The following PRKG1 variants were observed in gnomAD, a reference collection of about 807,000 sequenced individuals.
PRKG1 encodes protein kinase cGMP-dependent 1.
In PRKG1, 35 loss-of-function variants were observed where a neutral mutation model predicts 88.1. That is an observed-to-expected ratio of 0.40 (90% CI 0.30 to 0.53). PRKG1 has a LOEUF of 0.53. Ranked by LOEUF, PRKG1 falls within the 20% of genes least tolerant of loss-of-function variation. The probability of loss-of-function intolerance (pLI) is 0.59; values close to 1 mark genes in which losing one functional copy is unlikely to be tolerated. For synonymous variants in PRKG1, 303 were observed against 292.5 expected, an observed-to-expected ratio of 1.04 and a Z score of -0.37; for missense variants, 540 against 839.8, an observed-to-expected ratio of 0.64 and a Z score of 4.41.
In PRKG1 at chr10:51,985,280, T is replaced by A. The variant is rs150701520; in HGVS notation, c.763-69204T>A. ...TATTTTGAGAAAAATAATTCAAGCTTGTTTCATGCGATTGACAGAGGCAAA... is the reference window on the plus strand; with the variant it reads ...TATTTTGAGAAAAATAATTCAAGCTAGTTTCATGCGATTGACAGAGGCAAA... On this transcript the variant is annotated intron_variant, in intron 5 of 17. Transcript: ENST00000373980. 5.0e-3 allele frequency among the ~76,000 whole-genome samples: 764 copies of A among 152,148 alleles called. 5 individuals carry two copies. Among genetic ancestry groups the A allele is most frequent in the African/African-American group, 0.018 (740 of 41,428 alleles).
chr10:51,817,389 C>T (rs1839620880), intron 4 of PRKG1, among the ~76,000 whole-genome samples: 1 of 149,528 alleles, frequency 6.7e-6, no homozygotes, highest in Admixed American at 6.7e-5. Context: ...TGAAGTTCCC[C>T]TCCCTGTGTC....
intron 16 of PRKG1, 95 bp downstream of exon 16, chr10:52,289,088 T>C: frequency 8.4e-7 from 1 of 1,195,476 alleles, no homozygotes; most frequent in Non-Finnish European, 1.2e-6. Flanking sequence ...ATAATTAGCC[T>C]ATAGGAACAT....
rs369965767 is a variant in PRKG1, at chr10:51,670,393, TTTC to T, written c.593-134189_593-134187del. 8.2e-4 allele frequency among the ~76,000 whole-genome samples: 125 copies of T among 151,970 alleles called. 1 individual carries two copies. The East Asian group carries it at 0.017, about 21-fold the overall frequency. Reference sequence around the variant, plus strand: ...TTTTTATTATTTATATTTCATTATTTTTCTTTATTTTTTTTTCCTTCTGTTTCT... The same window carrying T: ...TTTTTATTATTTATATTTCATTATTTTTTATTTTTTTTTCCTTCTGTTTCT... On this transcript the variant is annotated intron_variant, in intron 3 of 17. Coordinates refer to ENST00000373980, the MANE Select transcript of PRKG1 (RefSeq NM_006258.4).
rs76631173 is a variant in PRKG1 at position 51,157,922 on chromosome 10, A to T, written c.478+4592A>T. Among the ~76,000 whole-genome samples the T allele has an allele frequency of 2.4e-4, 36 of 151,960 alleles. 1 individual carries two copies. The East Asian group carries it at 7.0e-3, about 29-fold the overall frequency. ...AATAGTTGTAAGTAGTCATGTAGAC[A>T]TGGTGGTGTTTTGATACATAGAATG... On this transcript the variant is annotated intron_variant, in intron 2 of 17. Transcript: ENST00000373980.
intron 2 of PRKG1, among the ~76,000 whole-genome samples, chr10:51,280,061 C>T (rs1840248671): frequency 2.0e-5 from 3 of 152,158 alleles, no homozygotes; most frequent in Non-Finnish European, 2.9e-5. Flanking sequence ...TCTTGTAGGG[C>T]AGGCCTGGTG....
chr10:52,075,063 G>T (rs1846594987), intron 7 of PRKG1, among the ~76,000 whole-genome samples: 1 of 152,182 alleles, frequency 6.6e-6, no homozygotes, highest in African/African-American at 2.4e-5. Flanking sequence ...AGGACTTTAA[G>T]TCCACTAACT....
intron 1 of PRKG1, among the ~76,000 whole-genome samples, chr10:51,100,283 A>T (rs940087291): frequency 6.6e-6 from 1 of 152,226 alleles, no homozygotes; most frequent in Non-Finnish European, 1.5e-5. Flanking sequence ...AGGAAATGTC[A>T]ACTGTAATCT....
At chr10:52,112,514 A>C (rs1442906094) in intron 7 of PRKG1, among the ~76,000 whole-genome samples, 1 of 152,220 alleles carries the variant, frequency 6.6e-6, no homozygotes, top group Non-Finnish European at 1.5e-5. Flanking sequence ...CTCAAAAATT[A>C]TAATGAGCAC....
intron 2 of PRKG1, among the ~76,000 whole-genome samples, chr10:51,297,604 A>G (rs1840754135): frequency 6.6e-6 from 1 of 152,092 alleles, no homozygotes. Flanking sequence ...GCAAATCAGG[A>G]AGCTTGTAGG....
At chr10:51,992,357 C>G (rs1844333889) in intron 5 of PRKG1, among the ~76,000 whole-genome samples, 4 of 151,870 alleles carry the variant, frequency 2.6e-5, no homozygotes, top group Admixed American at 2.6e-4. Context: ...TTTCCTGTTT[C>G]TTTAACAGTT....
intron 2 of PRKG1, among the ~76,000 whole-genome samples, chr10:51,428,839 C>T (rs755078300): frequency 6.6e-6 from 1 of 152,150 alleles, no homozygotes; most frequent in African/African-American, 2.4e-5. Context: ...AGCCTGACAG[C>T]ATGGTCCTGG....
At chr10:51,638,914 C>CAG (rs1431218699) in intron 3 of PRKG1, among the ~76,000 whole-genome samples, 1 of 152,116 alleles carries the variant, frequency 6.6e-6, no homozygotes, top group African/African-American at 2.4e-5. Flanking sequence ...CCCATAGGGA[C>CAG]AGACAAGGAC....
At chr10:51,721,018 G>A (rs1380682124) in intron 3 of PRKG1, among the ~76,000 whole-genome samples, 2 of 151,792 alleles carry the variant, frequency 1.3e-5, no homozygotes, top group Non-Finnish European at 2.9e-5. Context: ...GCCAGTTTGG[G>A]CAACATGGGA....
At chr10:51,693,070 T>G (rs1398898958) in intron 3 of PRKG1, among the ~76,000 whole-genome samples, 1 of 151,876 alleles carries the variant, frequency 6.6e-6, no homozygotes, top group Non-Finnish European at 1.5e-5. Flanking sequence ...GGTGGATCAT[T>G]TGAGGTCAGG....
intron 4 of PRKG1, among the ~76,000 whole-genome samples, chr10:51,888,316 C>T (rs1422157443): frequency 6.6e-6 from 1 of 152,186 alleles, no homozygotes; most frequent in Non-Finnish European, 1.5e-5. Flanking sequence ...AATCAAAGAG[C>T]ATATTGGCAT....
chr10:51,332,097 T>C (rs1295863946), intron 2 of PRKG1, among the ~76,000 whole-genome samples: 4 of 152,206 alleles, frequency 2.6e-5, no homozygotes, highest in Non-Finnish European at 5.9e-5. Context: ...TGGATAGATA[T>C]CCATCAAATC....
At chr10:51,175,280 G>A (rs2132015633) in intron 2 of PRKG1, among the ~76,000 whole-genome samples, 1 of 151,734 alleles carries the variant, frequency 6.6e-6, no homozygotes, top group Admixed American at 6.6e-5. Flanking sequence ...TTCTTTAATT[G>A]ATTTCCTCCA....
chr10:52,217,340 A>ATATCTATC (rs58978014), intron 9 of PRKG1, among the ~76,000 whole-genome samples: 13 of 144,040 alleles, frequency 9.0e-5, no homozygotes, highest in Middle Eastern at 3.5e-3. Context: ...ACACATTTAT[A>ATATCTATC]TATCTATCTA....
intron 14 of PRKG1, among the ~76,000 whole-genome samples, chr10:52,282,916 G>A (rs770620830): frequency 2.0e-5 from 3 of 152,100 alleles, no homozygotes; most frequent in Non-Finnish European, 4.4e-5. Context: ...GGATGGGTTC[G>A]TAAAGAGGCT....
Sources: gnomAD v4.1 joint callset for allele counts (sites outside exome capture counted in the v4.1 genomes callset) on GRCh38, gnomAD v4.1.1 for gene constraint, MANE v1.5 for transcripts, NCBI Gene and HGNC (gene_info 2026-07-23, HGNC 2026-07-21) for gene names.